Variants in TLN2 observed in about 807,000 individuals in gnomAD.
The protein encoded by TLN2 is talin-2.
TLN2 carries 118 observed loss-of-function variants against 294.7 expected under a neutral mutation model. That is an observed-to-expected ratio of 0.40 (90% CI 0.34 to 0.47). The LOEUF (loss-of-function observed/expected upper bound fraction) is 0.47, where lower values mean the gene tolerates loss of function less well. Ranked by LOEUF, TLN2 falls within the 20% of genes least tolerant of loss-of-function variation. TLN2 has a pLI of 0.84. For missense variants in TLN2, 3,083 were observed against 3,282.2 expected (o/e 0.94, Z 1.48); for synonymous variants, 1,431 against 1,304.5 (o/e 1.10, Z -2.09).
At chr15:62,766,545 C>G (rs573725537) in intron 41 of TLN2, 123 bp downstream of exon 41, 3 of 805,314 alleles carry the variant, frequency 3.7e-6, no homozygotes, top group South Asian at 2.0e-5. Flanking sequence ...GAGTCCAATG[C>G]TCGTTTAAGC....
At chr15:62,662,823 T>G (rs2054022341) in intron 9 of TLN2, among the ~76,000 whole-genome samples, 1 of 4,894 alleles carries the variant, frequency 2.0e-4, no homozygotes, top group South Asian at 0.024. Context: ...ATTGAGAGAG[T>G]TTTTTTTTTT....
intron 52 of TLN2, among the ~76,000 whole-genome samples, chr15:62,816,404 C>T (rs953334744): frequency 6.6e-6 from 1 of 152,250 alleles, no homozygotes; most frequent in South Asian, 2.1e-4. Flanking sequence ...CTTGCTTCCA[C>T]TGGCAGAGCT....
intron 12 of TLN2, among the ~76,000 whole-genome samples, chr15:62,689,045 TTGTC>T (rs1307864844): frequency 6.6e-6 from 1 of 151,826 alleles, no homozygotes; most frequent in African/African-American, 2.4e-5. Flanking sequence ...GTTTTTCTGT[TTGTC>T]CACTTTATTT....
intron 11 of TLN2, among the ~76,000 whole-genome samples, chr15:62,681,054 T>C (rs2056786834): frequency 6.6e-6 from 1 of 152,224 alleles, no homozygotes; most frequent in Non-Finnish European, 1.5e-5. Context: ...TGTGCAAGTG[T>C]GTTTTTCATG....
chr15:62,766,986 G>A (rs2063047580), intron 41 of TLN2, among the ~76,000 whole-genome samples: 1 of 152,128 alleles, frequency 6.6e-6, no homozygotes, highest in Non-Finnish European at 1.5e-5. Context: ...GCCTGGTTGG[G>A]GTTCATTTTG....
chr15:62,748,621 G>A (rs79795902), intron 33 of TLN2, among the ~76,000 whole-genome samples, 177 bp downstream of exon 33: 2,659 of 152,306 alleles, frequency 0.017, 73 homozygotes, highest in African/African-American at 0.059. Flanking sequence ...TCCAATCCAA[G>A]TGGAAAGAAA....
intron 2 of TLN2, among the ~76,000 whole-genome samples, chr15:62,602,776 A>G (rs2047103850): frequency 2.0e-5 from 3 of 151,914 alleles, no homozygotes; most frequent in African/African-American, 7.3e-5. Flanking sequence ...CACTTCCCAA[A>G]GGCCCCACCT....
intron 32 of TLN2, among the ~76,000 whole-genome samples, chr15:62,742,441 T>A (rs1595854938): frequency 6.6e-6 from 1 of 152,110 alleles, no homozygotes; most frequent in East Asian, 1.9e-4. Flanking sequence ...CATTTCAAAA[T>A]TACAGTTTCC....
chr15:62,660,267 C>G (rs915415296), intron 9 of TLN2, among the ~76,000 whole-genome samples: 2 of 152,188 alleles, frequency 1.3e-5, no homozygotes, highest in African/African-American at 2.4e-5. Context: ...TCTTCAGACT[C>G]TCCAGTGATT....
intron 1 of TLN2, among the ~76,000 whole-genome samples, chr15:62,492,025 T>A (rs1030455755): frequency 6.6e-6 from 1 of 152,156 alleles, no homozygotes; most frequent in African/African-American, 2.4e-5. Context: ...ATATGTATTT[T>A]AATAATTACT....
intron 37 of TLN2, chr15:62,758,519 C>T (rs1382181366): frequency 6.6e-6 from 1 of 152,194 alleles, no homozygotes; most frequent in East Asian, 1.9e-4. Context: ...TATGCAACAG[C>T]AGCGTTTGTT....
At chr15:62,644,907 G>A (rs973086173) in intron 3 of TLN2, 6 of 290,920 alleles carry the variant, frequency 2.1e-5, no homozygotes, top group South Asian at 6.9e-5. Context: ...CAGACTTCAC[G>A]CAGCAACGCT....
intron 9 of TLN2, among the ~76,000 whole-genome samples, chr15:62,662,667 A>C (rs1442387134): frequency 6.6e-6 from 1 of 152,200 alleles, no homozygotes; most frequent in African/African-American, 2.4e-5. Flanking sequence ...ACACAGTCAA[A>C]CATTTCTGCC....
chr15:62,755,196 T>C (rs2062167264), intron 36 of TLN2: 2 of 194,220 alleles, frequency 1.0e-5, no homozygotes, highest in Non-Finnish European at 1.0e-5. Context: ...TAAAATTGGG[T>C]ATGTGTAGAC....
intron 1 of TLN2, among the ~76,000 whole-genome samples, chr15:62,457,341 C>T (rs1426517609): frequency 6.6e-6 from 1 of 152,202 alleles, no homozygotes; most frequent in Non-Finnish European, 1.5e-5. Flanking sequence ...CATGAAGGCT[C>T]CACTGTCGTG....
At chr15:62,596,801 C>T (rs942422546) in intron 2 of TLN2, among the ~76,000 whole-genome samples, 3 of 151,970 alleles carry the variant, frequency 2.0e-5, no homozygotes, top group Admixed American at 2.0e-4. Context: ...ATGCAAATGG[C>T]TAAAAGTAGG....
chr15:62,513,367 G>A (rs1370534949), intron 1 of TLN2, among the ~76,000 whole-genome samples: 2 of 152,202 alleles, frequency 1.3e-5, no homozygotes, highest in South Asian at 4.1e-4. Flanking sequence ...CTGCCTGCCA[G>A]GTGGGAAGTG....
chr15:62,568,037 C>G (rs191817912), intron 1 of TLN2, among the ~76,000 whole-genome samples: 1 of 152,298 alleles, frequency 6.6e-6, no homozygotes, highest in East Asian at 1.9e-4. Flanking sequence ...GTTGAGTTCT[C>G]TGAGCCCACG....
At chr15:62,513,396 A>G (rs1056291610) in intron 1 of TLN2, among the ~76,000 whole-genome samples, 1 of 152,190 alleles carries the variant, frequency 6.6e-6, no homozygotes, top group Non-Finnish European at 1.5e-5. Context: ...CCTGCTCAGC[A>G]TCTGTGATGC....
Sources: allele counts gnomAD v4.1 joint callset (sites outside exome capture counted in the v4.1 genomes callset), GRCh38; gene constraint gnomAD v4.1.1; transcripts MANE v1.5; gene names NCBI Gene and HGNC (gene_info 2026-07-23, HGNC 2026-07-21).